Variants in NGEF observed in about 807,000 individuals in gnomAD.
NGEF encodes the protein neuronal guanine nucleotide exchange factor.
In NGEF, 31 loss-of-function variants were observed where a neutral mutation model predicts 80.9. The observed-to-expected ratio is 0.38, with a 90% CI of 0.29 to 0.52. NGEF has a LOEUF of 0.52. Among genes scored for constraint, NGEF ranks in the 20% least tolerant of loss-of-function variants. The probability of loss-of-function intolerance (pLI) is 0.84; values close to 1 mark genes in which losing one functional copy is unlikely to be tolerated. For missense variants in NGEF, 709 were observed against 926.2 expected, an observed-to-expected ratio of 0.77 and a Z score of 3.04; for synonymous variants, 371 against 370.2, an observed-to-expected ratio of 1.00 and a Z score of -0.03.
intron 1 of NGEF, among the ~76,000 whole-genome samples, chr2:233,005,244 C>T (rs1200239186): frequency 1.3e-5 from 2 of 152,226 alleles, no homozygotes; most frequent in African/African-American, 4.8e-5. Flanking sequence ...CCCATGGTTA[C>T]AATCAGGAGG....
chr2:232,954,883 C>T (rs1693764648), intron 3 of NGEF, among the ~76,000 whole-genome samples: 1 of 152,144 alleles, frequency 6.6e-6, no homozygotes, highest in South Asian at 2.1e-4. Context: ...GGGGGAACAG[C>T]AGGTGCAAAG....
intron 1 of NGEF, among the ~76,000 whole-genome samples, chr2:232,999,189 G>A (rs979289923): frequency 6.6e-6 from 1 of 152,154 alleles, no homozygotes; most frequent in Non-Finnish European, 1.5e-5. Context: ...CACTCACCAT[G>A]GCAATCCTCC....
At chr2:232,887,272 A>G (rs1691723601) in intron 9 of NGEF, among the ~76,000 whole-genome samples, 1 of 152,242 alleles carries the variant, frequency 6.6e-6, no homozygotes, top group African/African-American at 2.4e-5. Flanking sequence ...CAAACGTGGC[A>G]GAGCGCATGG....
At chr2:232,893,150 T>C (rs6721903) in intron 6 of NGEF, 100 bp from the exon 7 acceptor site, 107,098 of 1,232,064 alleles carry the variant, frequency 0.087, 5,475 homozygotes, top group Middle Eastern at 0.11. Context: ...ACATTGGACA[T>C]AGCAGTGTGC....
intron 3 of NGEF, among the ~76,000 whole-genome samples, chr2:232,949,108 C>T (rs895450972): frequency 6.6e-6 from 1 of 152,160 alleles, no homozygotes; most frequent in East Asian, 1.9e-4. Flanking sequence ...GTTGGGATGT[C>T]GCAGAGGCCA....
chr2:232,972,744 CTTTTTTTTTTTTTTTTTTTT>C (rs61594239), intron 2 of NGEF, among the ~76,000 whole-genome samples: 35 of 123,322 alleles, frequency 2.8e-4, no homozygotes, highest in East Asian at 4.5e-4. Context: ...TGTCCTTATC[CTTTTTTTTTTTTTTTTTTTT>C]TTTTTTTTTT....
chr2:232,926,557 G>A (rs982509690), intron 4 of NGEF, among the ~76,000 whole-genome samples: 1 of 152,056 alleles, frequency 6.6e-6, no homozygotes, highest in African/African-American at 2.4e-5. Flanking sequence ...CTTTCCCTGT[G>A]CAAAGTTGGC....
At chr2:232,921,627 CTTT>C (rs34498818) in intron 4 of NGEF, among the ~76,000 whole-genome samples, 1 of 139,646 alleles carries the variant, frequency 7.2e-6, no homozygotes. Context: ...AGTTTTTCCT[CTTT>C]TTTTTTTTTT....
In NGEF at chr2:232,885,144, G is replaced by A. The variant is rs572706830; in HGVS notation, c.1437+136C>T. On this transcript the variant is annotated intron_variant, in intron 10 of 14. Transcript: ENST00000264051. ...GGGTGGCTTCAGCTGGGGAGGTCAG[G>A]GGGCAGAGGGGATCCTAAGTGTGGC... The A allele has an allele frequency of 2.3e-3, 1,725 of 745,228 alleles. 3 individuals are homozygous for A. The highest frequency in any genetic ancestry group is 3.2e-3 in the Non-Finnish European group (1,458 of 448,976). The allele number at this position is 745,228 out of a possible 1,614,324, so 46.2% of individuals were successfully genotyped here.
chr2:232,912,819 T>C (rs1692717493), intron 5 of NGEF, among the ~76,000 whole-genome samples: 1 of 152,214 alleles, frequency 6.6e-6, no homozygotes. Context: ...TATTTCCTTA[T>C]TACCCTTTAA....
chr2:232,880,358 G>A (rs563727798), intron 14 of NGEF, among the ~76,000 whole-genome samples: 30 of 152,320 alleles, frequency 2.0e-4, no homozygotes, highest in Middle Eastern at 3.4e-3. Context: ...AAGAGGCCTG[G>A]GGCATGCCCT....
chr2:232,898,238 G>A (rs911206285), intron 5 of NGEF, among the ~76,000 whole-genome samples: 2 of 152,186 alleles, frequency 1.3e-5, no homozygotes, highest in Non-Finnish European at 2.9e-5. Flanking sequence ...TGCCCACAGC[G>A]CCACATCACA....
chr2:232,891,515 C>T lies in NGEF; in HGVS notation c.1143-28G>A, dbSNP rs771181012. 1.2e-5 allele frequency: 20 copies of T among 1,604,174 alleles called. No individual in the cohort carries two copies. In the East Asian group the frequency reaches 4.2e-4, roughly 34 times the overall value. On this transcript the variant is annotated intron_variant, in intron 7 of 14. Transcript: ENST00000264051. ...GGGGACACAGACAGGTGGAGTAGGT[C>T]TCTGAGCTGCAGGAGGCATGAACTG...
chr2:232,969,626 A>G (rs916711892), intron 3 of NGEF, among the ~76,000 whole-genome samples: 13 of 151,408 alleles, frequency 8.6e-5, no homozygotes, highest in African/African-American at 2.7e-4. Context: ...CTCTTCCCTC[A>G]GCCTCCCGAG....
chr2:232,982,589 C>A (rs963499334), intron 1 of NGEF, among the ~76,000 whole-genome samples: 1 of 152,194 alleles, frequency 6.6e-6, no homozygotes, highest in Non-Finnish European at 1.5e-5. Flanking sequence ...TCTCAGCTAA[C>A]TGCAACCTCC....
chr2:232,944,363 G>T (rs1032369460), intron 3 of NGEF, among the ~76,000 whole-genome samples: 2 of 152,154 alleles, frequency 1.3e-5, no homozygotes, highest in East Asian at 3.8e-4. Context: ...TATGCACAAG[G>T]TTATTCATTG....
chr2:232,949,824 T>A (rs1693643217), intron 3 of NGEF, among the ~76,000 whole-genome samples: 1 of 150,822 alleles, frequency 6.6e-6, no homozygotes, highest in South Asian at 2.1e-4. Flanking sequence ...TTGGTTTTTT[T>A]TTTTTAGATG....
chr2:233,011,433 A>T (rs1161431437), intron 1 of NGEF, among the ~76,000 whole-genome samples: 3 of 152,078 alleles, frequency 2.0e-5, no homozygotes, highest in Non-Finnish European at 4.4e-5. Context: ...TGGGACAAAC[A>T]GCAGCTCCTG....
At chr2:232,966,266 G>A (rs911971358) in intron 3 of NGEF, among the ~76,000 whole-genome samples, 1 of 152,124 alleles carries the variant, frequency 6.6e-6, no homozygotes, top group Non-Finnish European at 1.5e-5. Flanking sequence ...TCCTTGGCAT[G>A]TGCAAAGCTC....
Sources: allele counts gnomAD v4.1 joint callset (sites outside exome capture counted in the v4.1 genomes callset), GRCh38; gene constraint gnomAD v4.1.1; transcripts MANE v1.5; gene names NCBI Gene and HGNC (gene_info 2026-07-23, HGNC 2026-07-21).